BBS9: variants seen among roughly 807,000 people sequenced by gnomAD.
The protein encoded by BBS9 is protein PTHB1.
Under a neutral mutation model 117.7 loss-of-function variants are expected in BBS9, and 89 were observed. The observed-to-expected ratio is 0.76, with a 90% CI of 0.64 to 0.90. The LOEUF is 0.90. Ranked by LOEUF, BBS9 falls within the 40% of genes least tolerant of loss-of-function variation. The probability of loss-of-function intolerance (pLI) is 0.00; values close to 1 mark genes in which losing one functional copy is unlikely to be tolerated. For missense variants in BBS9, 982 were observed against 1,042.2 expected (o/e 0.94, Z 0.80); for synonymous variants, 379 against 370.9 (o/e 1.02, Z -0.25).
intron 1 of BBS9, 119 bp from the exon 2 acceptor site, chr7:33,146,122 AT>A: frequency 1.4e-6 from 1 of 710,144 alleles, no homozygotes; most frequent in Non-Finnish European, 2.4e-6. Flanking sequence ...TGTACAAAAT[AT>A]TAAAAAGTTA....
intron 21 of BBS9, among the ~76,000 whole-genome samples, chr7:33,553,205 T>C (rs190859209): frequency 2.0e-5 from 3 of 152,332 alleles, no homozygotes; most frequent in East Asian, 1.9e-4. Context: ...TCTTGGACTT[T>C]TTCTTTATAG....
chr7:33,174,666 T>C (rs2006387), intron 4 of BBS9, among the ~76,000 whole-genome samples: 82,100 of 152,100 alleles, frequency 0.54, 22,479 homozygotes, highest in East Asian at 0.67. Context: ...TTATAGTTCA[T>C]TATGTACAGA....
intron 21 of BBS9, among the ~76,000 whole-genome samples, chr7:33,556,834 T>C (rs375078357): frequency 6.6e-6 from 1 of 152,302 alleles, no homozygotes; most frequent in East Asian, 1.9e-4. Context: ...AAAAGGGCAG[T>C]TTGAATGACT....
chr7:33,529,351 G>A (rs1196465290), intron 20 of BBS9, among the ~76,000 whole-genome samples: 3 of 152,192 alleles, frequency 2.0e-5, no homozygotes, highest in Non-Finnish European at 4.4e-5. Flanking sequence ...TCTTGCAGAA[G>A]CTAGGCAGCT....
At chr7:33,138,340 TGAAAAAGAAGGG>T (rs1012249195) in intron 1 of BBS9, among the ~76,000 whole-genome samples, 1 of 151,136 alleles carries the variant, frequency 6.6e-6, no homozygotes, top group Non-Finnish European at 1.5e-5. Flanking sequence ...AGAGGTCCTC[TGAAAAAGAAGGG>T]GAAAACTGGA....
At chr7:33,314,140 T>G (rs1275464827) in intron 9 of BBS9, 1 of 217,474 alleles carries the variant, frequency 4.6e-6, no homozygotes. Flanking sequence ...CTTGACTTAT[T>G]TCCAGGAAGG....
intron 4 of BBS9, among the ~76,000 whole-genome samples, chr7:33,163,809 GT>G (rs1192400724): frequency 1.3e-5 from 2 of 152,042 alleles, no homozygotes; most frequent in Non-Finnish European, 1.5e-5. Flanking sequence ...TTTTTGAAGG[GT>G]TTTTTGTGTC....
intron 19 of BBS9, among the ~76,000 whole-genome samples, chr7:33,495,529 G>C (rs1297305724): frequency 1.3e-5 from 2 of 152,160 alleles, no homozygotes; most frequent in Non-Finnish European, 2.9e-5. Context: ...AATGAGCTCT[G>C]ACATTGCCAA....
chr7:33,406,454 T>G (rs1470891028), intron 19 of BBS9, among the ~76,000 whole-genome samples: 2 of 152,178 alleles, frequency 1.3e-5, no homozygotes, highest in Admixed American at 1.3e-4. Flanking sequence ...AATAGTGTTA[T>G]GTGTGAATTT....
At chr7:33,624,854 G>A (rs1234429555) in intron 21 of BBS9, among the ~76,000 whole-genome samples, 3 of 151,998 alleles carry the variant, frequency 2.0e-5, no homozygotes, top group South Asian at 2.1e-4. Context: ...GAGGAAGCTA[G>A]CTCAGTGAGT....
intron 5 of BBS9, among the ~76,000 whole-genome samples, chr7:33,200,443 C>T (rs1437836014): frequency 1.3e-5 from 2 of 152,098 alleles, no homozygotes; most frequent in Non-Finnish European, 2.9e-5. Flanking sequence ...AAAAGTTAAA[C>T]ACATACTTTG....
In BBS9 at chr7:33,295,934, G is replaced by T. The variant is rs574422422; in HGVS notation, c.1016+21978G>T. Among the ~76,000 whole-genome samples the T allele has an allele frequency of 2.0e-5, 3 of 151,992 alleles. No individual in the cohort carries two copies. In the East Asian group the frequency reaches 5.8e-4, roughly 29 times the overall value. ...AGAAATTTTTCACATAAAAATAAAA[G>T]GTGGAATATATAAAATGGGTGAGGA... On this transcript the variant is annotated intron_variant, in intron 9 of 22. Transcript: ENST00000242067.
At chr7:33,173,177 T>C (rs1796857617) in intron 4 of BBS9, among the ~76,000 whole-genome samples, 1 of 152,242 alleles carries the variant, frequency 6.6e-6, no homozygotes, top group Non-Finnish European at 1.5e-5. Context: ...TGGTTGCATC[T>C]GAAAAAGAAG....
In BBS9 at chr7:33,169,839, T is replaced by G. The variant is rs987100032; in HGVS notation, c.329-7639T>G. The stretch of plus-strand genomic sequence containing the variant: ...AATTAGATCCCATTTGTCAATTTTG[T>G]CTTTTGTTGCCATTGCTTTTGGTGT... On this transcript the variant is annotated intron_variant, in intron 4 of 22. Transcript: ENST00000242067. Among the ~76,000 whole-genome samples, 378 of 151,346 alleles carry G rather than the reference T, an allele frequency of 2.5e-3. 4 individuals carry two copies. The highest frequency in any genetic ancestry group is 1.7e-3 in the Non-Finnish European group (113 of 67,644).
chr7:33,322,043 G>C (rs1811833746), intron 9 of BBS9, among the ~76,000 whole-genome samples: 1 of 151,972 alleles, frequency 6.6e-6, no homozygotes, highest in Non-Finnish European at 1.5e-5. Context: ...TGCATATGTT[G>C]AACTATACCA....
intron 8 of BBS9, 144 bp from the exon 9 acceptor site, chr7:33,273,683 C>G: frequency 5.1e-6 from 4 of 777,732 alleles, no homozygotes; most frequent in Non-Finnish European, 8.1e-6. Context: ...GGTAAAGTTA[C>G]AAAATAATGT....
At chr7:33,274,174 T>C (rs567766016) in intron 9 of BBS9, among the ~76,000 whole-genome samples, 1 of 152,322 alleles carries the variant, frequency 6.6e-6, no homozygotes, top group East Asian at 1.9e-4. Context: ...TAGCAAGATA[T>C]CCTTAGTAAA....
At chr7:33,136,938 C>T (rs1028321080) in intron 1 of BBS9, among the ~76,000 whole-genome samples, 2 of 152,154 alleles carry the variant, frequency 1.3e-5, no homozygotes, top group Non-Finnish European at 1.5e-5. Context: ...GTGGATCTGT[C>T]TTGGCCTGGC....
chr7:33,450,841 A>G (rs939245198), intron 19 of BBS9, among the ~76,000 whole-genome samples: 1 of 148,336 alleles, frequency 6.7e-6, no homozygotes, highest in Non-Finnish European at 1.5e-5. Flanking sequence ...CATTTTGTTA[A>G]TTGTTTCCTT....
Sources: gnomAD v4.1 joint callset for allele counts (sites outside exome capture counted in the v4.1 genomes callset) on GRCh38, gnomAD v4.1.1 for gene constraint, MANE v1.5 for transcripts, NCBI Gene and HGNC (gene_info 2026-07-23, HGNC 2026-07-21) for gene names.